The following NPHS1 variants were observed in gnomAD, a reference collection of about 807,000 sequenced individuals.
The protein encoded by NPHS1 is nephrin.
NPHS1 carries 107 observed loss-of-function variants against 139.7 expected under a neutral mutation model. The observed-to-expected ratio is 0.77, with a 90% CI of 0.66 to 0.90. NPHS1 has a LOEUF of 0.90. Ranked by LOEUF, NPHS1 falls within the 40% of genes least tolerant of loss-of-function variation. The probability of loss-of-function intolerance (pLI) is 0.00; values close to 1 mark genes in which losing one functional copy is unlikely to be tolerated. For missense variants in NPHS1, 1,580 were observed against 1,654.2 expected, an observed-to-expected ratio of 0.96 and a Z score of 0.78; for synonymous variants, 707 against 706.6, an observed-to-expected ratio of 1.00 and a Z score of -0.01.
intron 11 of NPHS1, among the ~76,000 whole-genome samples, chr19:35,847,188 G>A (rs550432464): frequency 6.6e-6 from 1 of 151,876 alleles, no homozygotes; most frequent in Non-Finnish European, 1.5e-5. Context: ...TGGGACTACA[G>A]GCACCTGCCA....
Position 35,845,360 on chromosome 19 carries a change from G to A in NPHS1, c.1930+8C>T, listed in dbSNP as rs752633403. 1.9e-6 allele frequency: 3 copies of A among 1,614,080 alleles called. No homozygotes were observed. Among genetic ancestry groups the A allele is most frequent in the East Asian group, 4.5e-5 (2 of 44,896 alleles). Reference sequence around the variant, plus strand: ...CATCGAGAGGGGCTTTCAGGCCGGGGCACATACACAGTACGTTGAGGCGAT... The same window carrying A: ...CATCGAGAGGGGCTTTCAGGCCGGGACACATACACAGTACGTTGAGGCGAT... On this transcript the variant is annotated splice_region_variant and intron_variant, in intron 14 of 28. Coordinates refer to ENST00000378910, the MANE Select transcript of NPHS1 (RefSeq NM_004646.4). The surrounding 1 kb of genome is among the most constrained non-coding windows in gnomAD (Gnocchi z 5.5).
chr19:35,850,336 G>A, intron 5 of NPHS1, 28 bp downstream of exon 5: 1 of 1,595,272 alleles, frequency 6.3e-7, no homozygotes. Context: ...TAGGGGTCAA[G>A]GTTGGGGGGT....
Position 35,848,985 on chromosome 19 carries a change from G to T in NPHS1, c.1003C>A (p.Gln335Lys). 1 of 1,611,762 alleles carries T rather than the reference G, an allele frequency of 6.2e-7. No homozygotes were observed. The highest frequency in any genetic ancestry group is 8.5e-7 in the Non-Finnish European group (1 of 1,180,024). Reference protein sequence around the residue: ...AGTQEHGITLQVTFPPSAIII... With the variant: ...AGTQEHGITLKVTFPPSAIII... ...TGGCACCAGGACTCACAGGTGACCT[G>T]CAGTGTGATGCCGTGCTCCTGGGTC... Residue 335 changes from glutamine (Q) to lysine (K), a missense_variant, in exon 8 of 29, where the codon CAG becomes AAG. Coordinates refer to ENST00000378910, the MANE Select transcript of NPHS1 (RefSeq NM_004646.4).
chr19:35,839,126 C>G (rs1455692131), intron 22 of NPHS1, 111 bp downstream of exon 22: 6 of 1,035,064 alleles, frequency 5.8e-6, no homozygotes, highest in Non-Finnish European at 6.0e-6. Context: ...ATTTGCTTAA[C>G]AGCTATAGGC....
chr19:35,833,540 G>A (rs564005124), intron 23 of NPHS1, among the ~76,000 whole-genome samples: 88 of 152,314 alleles, frequency 5.8e-4, no homozygotes, highest in African/African-American at 1.5e-3. Context: ...GATGGAGGTG[G>A]AGGAGGGCTT....
In NPHS1 at chr19:35,828,632, A is replaced by G. The variant is rs561761256; in HGVS notation, c.3595-1987T>C. ...AACATTTGTGACATAGAAAAATTAC[A>G]TGAAGTTCAAATTACAGTGTCCAAA... On this transcript the variant is annotated intron_variant, in intron 28 of 28. Transcript: ENST00000378910. 1.8e-3 allele frequency among the ~76,000 whole-genome samples: 268 copies of G among 152,356 alleles called. 1 individual carries two copies. Among genetic ancestry groups the G allele is most frequent in the African/African-American group, 6.0e-3 (251 of 41,582 alleles).
chr19:35,850,823 C>G (rs1973233638), intron 4 of NPHS1, 138 bp downstream of exon 4: 2 of 1,183,236 alleles, frequency 1.7e-6, no homozygotes, highest in South Asian at 2.7e-5. Flanking sequence ...CAGCATCTCC[C>G]CACACCTTCT....
chr19:35,839,552 C>T lies in NPHS1; in HGVS notation c.2871G>A (p.Val957=), dbSNP rs1205712604. 7 of 1,614,084 alleles carry T rather than the reference C, an allele frequency of 4.3e-6. No individual in the cohort carries two copies. In the East Asian group the frequency reaches 1.3e-4, roughly 31 times the overall value. The change falls in exon 21 of 29, where the codon GTG becomes GTA. Residue 957 remains valine (V), a synonymous_variant. Coordinates refer to ENST00000378910, the MANE Select transcript of NPHS1 (RefSeq NM_004646.4). ...CAAAGCCAGGCTTCCACTCCAGCCC[C>T]ACGGAGTGTGGGGTCAGACTCACAA... is the stretch of plus-strand genomic sequence containing the variant. ...LKVVSLTPHS[V]GLEWKPGFDG...
In NPHS1 at chr19:35,835,690, G is replaced by A; in HGVS notation, c.3166+15C>T. Reference sequence around the variant, plus strand: ...CTCAGGGGAGCCGGGAGGGATCAGGGGACTGAGGACTTGCCTGAAGGTGGC... The same window carrying A: ...CTCAGGGGAGCCGGGAGGGATCAGGAGACTGAGGACTTGCCTGAAGGTGGC... On this transcript the variant is annotated intron_variant, in intron 23 of 28. Transcript: ENST00000378910. 6.2e-7 allele frequency: 1 copy of A among 1,612,070 alleles called. No individual in the cohort carries two copies. The highest frequency in any genetic ancestry group is 1.1e-5 in the South Asian group (1 of 91,014).
rs533117017 is a variant in NPHS1 at position 35,840,436 on chromosome 19, G to A, written c.2816-829C>T. 6.3e-4 allele frequency among the ~76,000 whole-genome samples: 93 copies of A among 147,074 alleles called. 6 individuals are homozygous for A. In the South Asian group the frequency reaches 0.018, roughly 28 times the overall value. On this transcript the variant is annotated intron_variant, in intron 20 of 28. Transcript: ENST00000378910. ...TGCAAGCTCTGCCTCCTGGGTTCACGCCATTCTCCTGCCTCAGCCTCCCGA... is the reference window on the plus strand; with the variant it reads ...TGCAAGCTCTGCCTCCTGGGTTCACACCATTCTCCTGCCTCAGCCTCCCGA...
intron 11 of NPHS1, 40 bp from the exon 12 acceptor site, chr19:35,846,234 C>A (rs778558789): frequency 1.9e-6 from 3 of 1,547,418 alleles, no homozygotes; most frequent in Non-Finnish European, 2.6e-6. Context: ...GGCAGCCCTG[C>A]CGCTTCCACC....
Position 35,843,683 on chromosome 19 carries a change from T to A in NPHS1, c.2213-90A>T. ...CCAGGTGGGAGGGATGTCTTAGGGG[T>A]TCCAGGAAAGTTATGGGTGTGGACA... On this transcript the variant is annotated intron_variant, in intron 16 of 28. Coordinates refer to ENST00000378910, the MANE Select transcript of NPHS1 (RefSeq NM_004646.4). 4 of 1,548,938 alleles carry A rather than the reference T, an allele frequency of 2.6e-6. No homozygotes were observed. The South Asian group carries it at 4.6e-5, about 18-fold the overall frequency.
intron 23 of NPHS1, among the ~76,000 whole-genome samples, 196 bp downstream of exon 23, chr19:35,835,509 C>T (rs1327111663): frequency 6.6e-6 from 1 of 151,948 alleles, no homozygotes; most frequent in Non-Finnish European, 1.5e-5. Flanking sequence ...GTTGCCCAAG[C>T]TGGTCTCAAA....
At chr19:35,837,237 A>G (rs1169403034) in intron 22 of NPHS1, among the ~76,000 whole-genome samples, 3 of 152,220 alleles carry the variant, frequency 2.0e-5, no homozygotes, top group Non-Finnish European at 2.9e-5. Context: ...TCAGAATTGT[A>G]ACATATTCAT....
chr19:35,850,983 T>A lies in NPHS1; in HGVS notation c.504A>T (p.Ala168=), dbSNP rs1973237159. The A allele has an allele frequency of 1.2e-6, 2 of 1,613,966 alleles. No individual in the cohort carries two copies. Among genetic ancestry groups the A allele is most frequent in the South Asian group, 2.2e-5 (2 of 91,078 alleles). ...VNCVSGDAKP[A]PDITILLSGQ... ...CACTCAGGAGAATGGTGATGTCAGGTGCTGGCTTCGCGTCCCCAGACACAC... is the reference window on the plus strand; with the variant it reads ...CACTCAGGAGAATGGTGATGTCAGGAGCTGGCTTCGCGTCCCCAGACACAC... The change falls in exon 4 of 29, where the codon GCA becomes GCT. Residue 168 remains alanine (A), a synonymous_variant. Transcript: ENST00000378910.
rs896041161 is a variant in NPHS1 at position 35,843,965 on chromosome 19, C to T, written c.2212+138G>A. ...GGTTCCGCAGTGGGCGTGGTTACAC[C>T]GCGGCTGGGACTTCCAGAACGGGAG... is the stretch of plus-strand genomic sequence containing the variant. On this transcript the variant is annotated intron_variant, in intron 16 of 28. Coordinates refer to ENST00000378910, the MANE Select transcript of NPHS1 (RefSeq NM_004646.4). 8.1e-5 allele frequency: 101 copies of T among 1,250,086 alleles called. No homozygotes were observed. The South Asian group carries it at 1.3e-3, about 16-fold the overall frequency. 77.4% of individuals were successfully genotyped at this position (1,250,086 alleles called of 1,614,324 possible). A position where few individuals can be genotyped will look rare whatever the true frequency, so the allele number is the denominator to read the frequency against.
At chr19:35,841,360 T>C (rs996635146) in intron 20 of NPHS1, among the ~76,000 whole-genome samples, 2 of 150,858 alleles carry the variant, frequency 1.3e-5, no homozygotes, top group African/African-American at 4.9e-5. Flanking sequence ...GTGACAAGAG[T>C]GAATCTCCAT....
Position 35,839,427 on chromosome 19 carries a change from C to T in NPHS1, c.2928-9G>A, listed in dbSNP as rs1193260911. The T allele has an allele frequency of 1.2e-6, 2 of 1,614,068 alleles. No homozygotes were observed. The highest frequency in any genetic ancestry group is 2.2e-5 in the East Asian group (1 of 44,884). ...TCCCCAGGGCCTCATACCTGCAGGA[C>T]AGGGGGATAGTAAATTCAGGGAAGT... On this transcript the variant is annotated splice_polypyrimidine_tract_variant and intron_variant, in intron 21 of 28. Transcript: ENST00000378910.
At chr19:35,850,913 T>G in intron 4 of NPHS1, 48 bp downstream of exon 4, 2 of 1,610,596 alleles carry the variant, frequency 1.2e-6, no homozygotes, top group Non-Finnish European at 1.7e-6. Flanking sequence ...CCCTTCCCAC[T>G]CCAGAGGCTT....
Sources: allele counts gnomAD v4.1 joint callset (sites outside exome capture counted in the v4.1 genomes callset), GRCh38; gene constraint gnomAD v4.1.1; non-coding constraint Gnocchi (gnomAD v3.1); transcripts MANE v1.5; gene names NCBI Gene and HGNC (gene_info 2026-07-23, HGNC 2026-07-21).